Variants in LRMDA observed in about 807,000 individuals in gnomAD.
LRMDA encodes leucine rich melanocyte differentiation associated, also known as leucine-rich melanocyte differentiation-associated protein.
A neutral mutation model predicts 29.8 loss-of-function variants in LRMDA; 18 were observed. The observed-to-expected ratio is 0.60, with a 90% CI of 0.42 to 0.90. LRMDA has a LOEUF of 0.90. Among genes scored for constraint, LRMDA ranks in the 40% least tolerant of loss-of-function variants. The pLI is 0.00. For missense variants in LRMDA, 273 were observed against 273.9 expected, an observed-to-expected ratio of 1.00 and a Z score of 0.02; for synonymous variants, 125 against 109.4, an observed-to-expected ratio of 1.14 and a Z score of -0.89.
intron 2 of LRMDA, among the ~76,000 whole-genome samples, chr10:75,604,352 T>G (rs181608839): frequency 6.6e-6 from 1 of 152,132 alleles, no homozygotes; most frequent in East Asian, 1.9e-4. Context: ...ATTCTAGGAG[T>G]ATTAGTGTGG....
chr10:76,165,488 C>T (rs1457079933), intron 5 of LRMDA, among the ~76,000 whole-genome samples: 2 of 151,890 alleles, frequency 1.3e-5, no homozygotes, highest in African/African-American at 4.8e-5. Context: ...GCCAGGCTGG[C>T]CTCAAATGCC....
At chr10:76,002,962 T>C (rs1847586207) in intron 2 of LRMDA, among the ~76,000 whole-genome samples, 2 of 152,180 alleles carry the variant, frequency 1.3e-5, no homozygotes. Context: ...CTGCAGTTTA[T>C]TTATTTATTT....
At chr10:75,452,925 G>A (rs1055936113) in intron 2 of LRMDA, among the ~76,000 whole-genome samples, 2 of 152,132 alleles carry the variant, frequency 1.3e-5, no homozygotes, top group Non-Finnish European at 2.9e-5. Context: ...ATACAAGAAA[G>A]CATTTAAATT....
chr10:75,885,616 G>A lies in LRMDA; in HGVS notation c.132-150392G>A, dbSNP rs543820281. Among the ~76,000 whole-genome samples the A allele has an allele frequency of 2.6e-5, 4 of 152,322 alleles. No homozygotes were observed. In the East Asian group the frequency reaches 7.7e-4, roughly 29 times the overall value. On this transcript the variant is annotated intron_variant, in intron 2 of 6. Coordinates refer to ENST00000611255, the MANE Select transcript of LRMDA (RefSeq NM_001305581.2). ...TCACCCACCTGAAAGATCACGTAGA[G>A]GAGTTCTCTAGGCTGCAAGCTCCTT...
chr10:75,777,016 G>C (rs1303867857), intron 2 of LRMDA, among the ~76,000 whole-genome samples: 1 of 152,264 alleles, frequency 6.6e-6, no homozygotes, highest in Non-Finnish European at 1.5e-5. Context: ...TGCAGAGCCG[G>C]GGAGGGAAAG....
chr10:75,756,877 T>C (rs940380924), intron 2 of LRMDA, among the ~76,000 whole-genome samples: 2 of 152,342 alleles, frequency 1.3e-5, no homozygotes, highest in African/African-American at 4.8e-5. Flanking sequence ...GCCACATTAC[T>C]GATGATGACT....
intron 2 of LRMDA, among the ~76,000 whole-genome samples, chr10:75,818,562 A>G (rs1844099644): frequency 1.3e-5 from 2 of 152,170 alleles, no homozygotes; most frequent in South Asian, 4.1e-4. Context: ...TTAGCCCAGA[A>G]CTGCCTTCTT....
chr10:75,698,394 A>G (rs1354947589), intron 2 of LRMDA, among the ~76,000 whole-genome samples: 1 of 152,246 alleles, frequency 6.6e-6, no homozygotes, highest in African/African-American at 2.4e-5. Flanking sequence ...ACTTGTACCC[A>G]GGGAATATCT....
intron 2 of LRMDA, among the ~76,000 whole-genome samples, chr10:75,812,878 C>G (rs556535041): frequency 6.6e-6 from 1 of 152,260 alleles, no homozygotes; most frequent in Non-Finnish European, 1.5e-5. Flanking sequence ...CATTCAACAG[C>G]GATTAGGTTA....
At chr10:76,282,840 C>T (rs573886829) in intron 5 of LRMDA, among the ~76,000 whole-genome samples, 5 of 152,218 alleles carry the variant, frequency 3.3e-5, no homozygotes, top group South Asian at 2.1e-4. Context: ...GAGGGAGGTC[C>T]GGCAGATTTC....
chr10:76,109,076 T>C (rs1181531042), intron 5 of LRMDA, among the ~76,000 whole-genome samples: 1 of 152,180 alleles, frequency 6.6e-6, no homozygotes, highest in Admixed American at 6.5e-5. Context: ...AACTTGGTTG[T>C]AGCTCTCCCT....
chr10:76,377,720 C>T (rs1041131615), intron 6 of LRMDA, among the ~76,000 whole-genome samples: 9 of 152,138 alleles, frequency 5.9e-5, no homozygotes, highest in Non-Finnish European at 1.0e-4. Flanking sequence ...GTTTTCTGTT[C>T]TGTTGCATTG....
intron 2 of LRMDA, among the ~76,000 whole-genome samples, chr10:75,891,756 A>C (rs1845496510): frequency 6.6e-6 from 1 of 152,224 alleles, no homozygotes; most frequent in Non-Finnish European, 1.5e-5. Flanking sequence ...AAGAGTTGAA[A>C]GGATTGGCTG....
chr10:76,295,175 C>A (rs570446808), intron 5 of LRMDA, among the ~76,000 whole-genome samples: 1 of 152,256 alleles, frequency 6.6e-6, no homozygotes, highest in East Asian at 1.9e-4. Flanking sequence ...GAAGTTTTGG[C>A]ACAATGTAAG....
At chr10:75,641,619 T>G (rs991976769) in intron 2 of LRMDA, among the ~76,000 whole-genome samples, 5 of 152,238 alleles carry the variant, frequency 3.3e-5, no homozygotes, top group South Asian at 4.1e-4. Flanking sequence ...AATTTTTTTT[T>G]TGTGGAGACG....
rs561341388 is a variant in LRMDA at position 76,530,056 on chromosome 10, C to T, written c.602-27153C>T. On this transcript the variant is annotated intron_variant, in intron 6 of 6. Coordinates refer to ENST00000611255, the MANE Select transcript of LRMDA (RefSeq NM_001305581.2). ...CTGACTTTTGAACTTTCCTCTTAGC[C>T]CACTAATAGCAGAGGTGCAATGAGG... Among the ~76,000 whole-genome samples, 17 of 152,166 alleles carry T rather than the reference C, an allele frequency of 1.1e-4. No homozygotes were observed. The South Asian group carries it at 3.5e-3, about 32-fold the overall frequency.
At chr10:75,906,628 C>A (rs1005669451) in intron 2 of LRMDA, among the ~76,000 whole-genome samples, 2 of 152,210 alleles carry the variant, frequency 1.3e-5, no homozygotes, top group African/African-American at 4.8e-5. Context: ...GTTTTAATAG[C>A]ATTCCCTGCC....
chr10:75,790,692 T>C (rs566273110), intron 2 of LRMDA, among the ~76,000 whole-genome samples: 7 of 152,378 alleles, frequency 4.6e-5, no homozygotes, highest in Non-Finnish European at 1.0e-4. Context: ...GTGATTGATC[T>C]GATTTGGCAT....
intron 6 of LRMDA, among the ~76,000 whole-genome samples, chr10:76,357,238 T>C (rs1841252875): frequency 6.6e-6 from 1 of 152,302 alleles, no homozygotes; most frequent in African/African-American, 2.4e-5. Flanking sequence ...TTTTGGAAGC[T>C]TTCTTCTTGA....
Sources: gnomAD v4.1 joint callset for allele counts (sites outside exome capture counted in the v4.1 genomes callset) on GRCh38, gnomAD v4.1.1 for gene constraint, MANE v1.5 for transcripts, NCBI Gene and HGNC (gene_info 2026-07-23, HGNC 2026-07-21) for gene names.